Variants in NLGN1 observed in about 807,000 individuals in gnomAD.
NLGN1 encodes the protein neuroligin-1.
A neutral mutation model predicts 65.5 loss-of-function variants in NLGN1; 12 were observed. That is an observed-to-expected ratio of 0.18 (90% confidence interval 0.12 to 0.30). The LOEUF (loss-of-function observed/expected upper bound fraction) is 0.30, where lower values mean the gene tolerates loss of function less well. Ranked by LOEUF, NLGN1 falls within the 10% of genes least tolerant of loss-of-function variation. The pLI is 1.00. For missense variants in NLGN1, 750 were observed against 1,007.1 expected (o/e 0.74, Z 3.46); for synonymous variants, 350 against 359.5 (o/e 0.97, Z 0.30).
intron 4 of NLGN1, among the ~76,000 whole-genome samples, chr3:174,181,778 TACACACACACAC>T (rs3035853): frequency 0.015 from 2,203 of 142,666 alleles, 62 homozygotes; most frequent in African/African-American, 0.055. Flanking sequence ...AAAATAAAAA[TACACACACACAC>T]ACACACACAC....
At chr3:173,746,303 T>C (rs931200147) in intron 3 of NLGN1, among the ~76,000 whole-genome samples, 12 of 152,074 alleles carry the variant, frequency 7.9e-5, no homozygotes, top group African/African-American at 2.7e-4. Flanking sequence ...AAAAAATTTA[T>C]CTCATTTTAT....
chr3:173,397,634 C>G (rs530374499), upstream of NLGN1: 455 of 153,390 alleles, frequency 3.0e-3, 1 homozygote, highest in Non-Finnish European at 4.9e-3. Context: ...GTCAGTCCCC[C>G]CACCCGCGGC....
chr3:174,212,161 G>T (rs551984450), intron 4 of NLGN1, among the ~76,000 whole-genome samples: 3 of 152,204 alleles, frequency 2.0e-5, no homozygotes, highest in African/African-American at 7.2e-5. Context: ...GCACAGCGCC[G>T]GTGGGCCGGC....
At chr3:173,911,523 T>G (rs548176347) in intron 4 of NLGN1, among the ~76,000 whole-genome samples, 2 of 152,288 alleles carry the variant, frequency 1.3e-5, no homozygotes, top group African/African-American at 4.8e-5. Context: ...AGAGATTAGC[T>G]CAAAACTGTC....
chr3:173,440,777 C>A (rs1195111704), intron 2 of NLGN1, among the ~76,000 whole-genome samples: 5 of 152,144 alleles, frequency 3.3e-5, no homozygotes. Flanking sequence ...TTAGGACTTT[C>A]ACAATGATAA....
chr3:174,137,255 A>G (rs1446504738), intron 4 of NLGN1, among the ~76,000 whole-genome samples: 2 of 152,180 alleles, frequency 1.3e-5, no homozygotes, highest in Middle Eastern at 3.2e-3. Flanking sequence ...ATGTGTTTCC[A>G]TCTAATAGAA....
At chr3:173,807,154 C>T (rs1305938322) in intron 3 of NLGN1, among the ~76,000 whole-genome samples, 1 of 152,080 alleles carries the variant, frequency 6.6e-6, no homozygotes, top group East Asian at 1.9e-4. Context: ...TTGCATAACA[C>T]AATACTGTAA....
chr3:173,635,301 T>A (rs965843359), intron 3 of NLGN1, among the ~76,000 whole-genome samples: 2 of 152,150 alleles, frequency 1.3e-5, no homozygotes, highest in African/African-American at 4.8e-5. Context: ...AGGGAGTTAT[T>A]ATCTTTGGAA....
chr3:174,174,741 G>A (rs1244267347), intron 4 of NLGN1, among the ~76,000 whole-genome samples: 1 of 151,602 alleles, frequency 6.6e-6, no homozygotes, highest in African/African-American at 2.4e-5. Flanking sequence ...GCATCATCAG[G>A]TTATTTAAAG....
At position 173,924,610 on chromosome 3, in the gene NLGN1, A is replaced by G. The variant is rs1742669678; in HGVS notation, c.646+116778A>G. 4.0e-5 allele frequency among the ~76,000 whole-genome samples: 6 copies of G among 151,510 alleles called. No individual in the cohort carries two copies. In the South Asian group the frequency reaches 1.2e-3, roughly 31 times the overall value. ...TGCAATTCAGCCTAGGCAACAGAGT[A>G]TAACCCTGTCTCAAAAAAAAAAATA... On this transcript the variant is annotated intron_variant, in intron 4 of 6. Coordinates refer to ENST00000457714, the Ensembl canonical transcript of NLGN1.
At position 173,491,327 on chromosome 3, in the gene NLGN1, G is replaced by A. The variant is rs150291435; in HGVS notation, c.-321+56249G>A. On this transcript the variant is annotated intron_variant, in intron 2 of 6. Coordinates refer to ENST00000457714, the Ensembl canonical transcript of NLGN1. Reference sequence around the variant, plus strand: ...GAAGAGCTGTTGAATTTTGTCAAAGGCCTTTTCTGCATCTATTGAGATAAT... The same window carrying A: ...GAAGAGCTGTTGAATTTTGTCAAAGACCTTTTCTGCATCTATTGAGATAAT... 4.7e-4 allele frequency among the ~76,000 whole-genome samples: 72 copies of A among 151,916 alleles called. 2 individuals are homozygous for A. Among genetic ancestry groups the A allele is most frequent in the African/African-American group, 1.7e-3 (72 of 41,242 alleles).
At position 174,088,748 on chromosome 3, in the gene NLGN1, A is replaced by G. The variant is rs1472544109; in HGVS notation, c.647-186567A>G. ...AGCCTGGGCAATAGAGCGAGACTCC[A>G]TCTCAATAAAAATAAATAAATAAAT... is the stretch of plus-strand genomic sequence containing the variant. On this transcript the variant is annotated intron_variant, in intron 4 of 6. Coordinates refer to ENST00000457714, the Ensembl canonical transcript of NLGN1. Among the ~76,000 whole-genome samples the G allele has an allele frequency of 1.1e-4, 16 of 147,096 alleles. No individual in the cohort carries two copies. The South Asian group carries it at 2.2e-3, about 20-fold the overall frequency.
intron 1 of NLGN1, among the ~76,000 whole-genome samples, chr3:173,421,254 CTTAAAA>C (rs1378554133): frequency 1.3e-5 from 2 of 151,834 alleles, no homozygotes; most frequent in Non-Finnish European, 2.9e-5. Flanking sequence ...TGGATGTAGT[CTTAAAA>C]TTAGAATTTG....
At chr3:174,158,612 G>T (rs4894644) in intron 4 of NLGN1, among the ~76,000 whole-genome samples, 48,576 of 151,460 alleles carry the variant, frequency 0.32, 9,790 homozygotes, top group East Asian at 0.63. Flanking sequence ...GTCAGAATTT[G>T]CATTTTAGCA....
At chr3:173,410,872 CA>C (rs1336653438) in intron 1 of NLGN1, among the ~76,000 whole-genome samples, 5 of 152,094 alleles carry the variant, frequency 3.3e-5, no homozygotes, top group Non-Finnish European at 5.9e-5. Flanking sequence ...TATTCTGTAC[CA>C]AAAAATTGCA....
At position 173,652,872 on chromosome 3, in the gene NLGN1, C is replaced by T. The variant is rs117215114; in HGVS notation, c.493+47781C>T. Among the ~76,000 whole-genome samples the T allele has an allele frequency of 1.2e-3, 176 of 152,242 alleles. 2 individuals are homozygous for T. In the East Asian group the frequency reaches 0.033, roughly 28 times the overall value. ...TTTAACAATATTGATTCTTCCAATT[C>T]ATGAATGTGGGATATTTTTGCATTT... On this transcript the variant is annotated intron_variant, in intron 3 of 6. Coordinates refer to ENST00000457714, the Ensembl canonical transcript of NLGN1.
chr3:173,777,761 T>G (rs75843090), intron 3 of NLGN1, among the ~76,000 whole-genome samples: 6,807 of 151,834 alleles, frequency 0.045, 231 homozygotes, highest in African/African-American at 0.095. Context: ...AGTGCTAGAA[T>G]AAACATGGGA....
At chr3:174,289,571 G>A (rs1225436601), downstream of NLGN1, among the ~76,000 whole-genome samples, 1 of 150,922 alleles carries the variant, frequency 6.6e-6, no homozygotes, top group African/African-American at 2.4e-5. Flanking sequence ...GGAATTTCTG[G>A]GTTCCTGGTG....
chr3:173,771,545 G>C (rs1465263563), intron 3 of NLGN1, among the ~76,000 whole-genome samples: 3 of 95,478 alleles, frequency 3.1e-5, no homozygotes, highest in Non-Finnish European at 7.4e-5. Flanking sequence ...GAGTGAACAA[G>C]TACTCAGGAA....
Sources: gnomAD v4.1 joint callset for allele counts (sites outside exome capture counted in the v4.1 genomes callset) on GRCh38, gnomAD v4.1.1 for gene constraint, MANE v1.5 for transcripts, NCBI Gene and HGNC (gene_info 2026-07-23, HGNC 2026-07-21) for gene names.